The following DPP10 variants were observed in gnomAD, a reference collection of about 807,000 sequenced individuals.
DPP10 encodes the protein inactive dipeptidyl peptidase 10.
DPP10 carries 33 observed loss-of-function variants against 120.9 expected under a neutral mutation model. The ratio of observed to expected loss-of-function variants is 0.27; its 90% CI spans 0.21 to 0.37. DPP10 has a LOEUF of 0.37. Ranked by LOEUF, DPP10 falls within the 10% of genes least tolerant of loss-of-function variation. The probability of loss-of-function intolerance (pLI) is 1.00; values close to 1 mark genes in which losing one functional copy is unlikely to be tolerated. For missense variants in DPP10, 816 were observed against 942.8 expected, an observed-to-expected ratio of 0.87 and a Z score of 1.76; for synonymous variants, 337 against 326.1, an observed-to-expected ratio of 1.03 and a Z score of -0.36.
At position 115,415,134 on chromosome 2, in the gene DPP10, A is replaced by G. The variant is rs185759617; in HGVS notation, c.271+71222A>G. Among the ~76,000 whole-genome samples the G allele has an allele frequency of 2.6e-5, 4 of 152,252 alleles. No individual in the cohort carries two copies. The East Asian group carries it at 7.7e-4, about 29-fold the overall frequency. The stretch of plus-strand genomic sequence containing the variant: ...CTTACTAGGTGGTTTTCCTGGTAAG[A>G]TAAGTATTTGATTCTGCTCAAATTT... On this transcript the variant is annotated intron_variant, in intron 3 of 25. Transcript: ENST00000410059.
intron 19 of DPP10, among the ~76,000 whole-genome samples, chr2:115,804,923 C>T (rs1282366943): frequency 6.6e-6 from 1 of 152,202 alleles, no homozygotes; most frequent in Non-Finnish European, 1.5e-5. Context: ...AGATCTCAAG[C>T]TGCATGCTGG....
Position 115,617,381 on chromosome 2 carries a change from T to C in DPP10, c.442-72306T>C, listed in dbSNP as rs530495945. On this transcript the variant is annotated intron_variant, in intron 5 of 25. Coordinates refer to ENST00000410059, the MANE Select transcript of DPP10 (RefSeq NM_020868.6). ...CATATATATTTATGCATAACACGAA[T>C]GAAGAATGCATAACAAGAATGGAGC... 9.4e-5 allele frequency among the ~76,000 whole-genome samples: 14 copies of C among 149,378 alleles called. No homozygotes were observed. In the South Asian group the frequency reaches 2.9e-3, roughly 31 times the overall value.
chr2:115,021,695 A>G (rs1052434486), intron 1 of DPP10, among the ~76,000 whole-genome samples: 7 of 152,096 alleles, frequency 4.6e-5, no homozygotes, highest in Non-Finnish European at 1.0e-4. Context: ...TAAACCAGTG[A>G]AGGATGTAAC....
intron 2 of DPP10, among the ~76,000 whole-genome samples, chr2:115,336,558 A>T (rs1048727851): frequency 9.7e-5 from 14 of 144,578 alleles, no homozygotes; most frequent in African/African-American, 3.3e-4. Flanking sequence ...ATACATGTGT[A>T]CTCTCTCTCT....
intron 1 of DPP10, among the ~76,000 whole-genome samples, chr2:115,169,852 A>C (rs2053184378): frequency 6.6e-6 from 1 of 152,200 alleles, no homozygotes; most frequent in African/African-American, 2.4e-5. Context: ...ACTATGTATC[A>C]GATTATAAAA....
intron 10 of DPP10, chr2:115,749,853 T>C: frequency 3.7e-6 from 1 of 270,324 alleles, no homozygotes; most frequent in Non-Finnish European, 5.7e-6. Flanking sequence ...CTAACATACC[T>C]GTCTGCAGGT....
intron 1 of DPP10, among the ~76,000 whole-genome samples, chr2:114,568,179 A>G (rs1051766944): frequency 6.6e-6 from 1 of 151,722 alleles, no homozygotes; most frequent in Non-Finnish European, 1.5e-5. Flanking sequence ...TCTTTTATTG[A>G]TACACACTAT....
chr2:115,332,731 A>G (rs981313283), intron 2 of DPP10, among the ~76,000 whole-genome samples: 3 of 152,066 alleles, frequency 2.0e-5, no homozygotes, highest in Non-Finnish European at 2.9e-5. Context: ...GTAGTTGAGC[A>G]GTTTTGAGTG....
chr2:114,517,338 T>A (rs150183243), intron 1 of DPP10, among the ~76,000 whole-genome samples: 132 of 152,234 alleles, frequency 8.7e-4, no homozygotes, highest in African/African-American at 3.1e-3. Flanking sequence ...CTGGCCAACA[T>A]GGTGAAACCC....
intron 1 of DPP10, among the ~76,000 whole-genome samples, chr2:115,080,308 G>A (rs923856101): frequency 1.2e-4 from 19 of 152,148 alleles, no homozygotes; most frequent in Admixed American, 2.6e-4. Flanking sequence ...ATGATCCACC[G>A]TGCCTGGCCA....
intron 5 of DPP10, among the ~76,000 whole-genome samples, chr2:115,546,658 A>G (rs572743322): frequency 5.9e-5 from 9 of 152,130 alleles, no homozygotes; most frequent in African/African-American, 2.2e-4. Flanking sequence ...TGATAATTAA[A>G]CTTATCAAAG....
At chr2:114,467,577 A>G (rs1679510522) in intron 1 of DPP10, among the ~76,000 whole-genome samples, 1 of 152,062 alleles carries the variant, frequency 6.6e-6, no homozygotes. Context: ...CTTTCTCCCA[A>G]CCTGTGTACC....
intron 1 of DPP10, among the ~76,000 whole-genome samples, chr2:114,710,573 C>T (rs1268729104): frequency 1.3e-5 from 2 of 152,026 alleles, no homozygotes; most frequent in African/African-American, 4.8e-5. Flanking sequence ...GGCAAAACCC[C>T]ACCTCTACTA....
chr2:115,191,543 A>G (rs1397698956), intron 1 of DPP10, among the ~76,000 whole-genome samples: 2 of 152,250 alleles, frequency 1.3e-5, no homozygotes, highest in African/African-American at 4.8e-5. Context: ...TAGAGTGAGG[A>G]AAGAAGAAGG....
rs192377187 is a variant in DPP10, at chr2:115,839,622, C to T, written c.2183-1128C>T. ...CTGGGAGGCAGAGGTTGCAGTGAGC[C>T]GAGATCGTACCACTGCACTCCAGCC... On this transcript the variant is annotated intron_variant, in intron 24 of 25. Coordinates refer to ENST00000410059, the MANE Select transcript of DPP10 (RefSeq NM_020868.6). 2.5e-4 allele frequency among the ~76,000 whole-genome samples: 35 copies of T among 140,442 alleles called. 1 individual carries two copies. The East Asian group carries it at 5.3e-3, about 21-fold the overall frequency. The allele number at this position is 140,442 out of a possible 152,430, so 92.1% of individuals were successfully genotyped here.
chr2:115,800,205 A>G (rs940432320), intron 19 of DPP10, among the ~76,000 whole-genome samples: 2 of 151,512 alleles, frequency 1.3e-5, no homozygotes, highest in Non-Finnish European at 2.9e-5. Context: ...GCATTTTTTC[A>G]TGTGTCTTTT....
intron 1 of DPP10, among the ~76,000 whole-genome samples, chr2:114,929,846 T>C (rs1695937650): frequency 6.6e-6 from 1 of 152,194 alleles, no homozygotes; most frequent in Non-Finnish European, 1.5e-5. Flanking sequence ...CATGAAATCT[T>C]CACAATTTAT....
intron 1 of DPP10, among the ~76,000 whole-genome samples, chr2:114,653,957 G>A (rs930539188): frequency 6.6e-6 from 1 of 152,018 alleles, no homozygotes; most frequent in African/African-American, 2.4e-5. Context: ...AATCTCTTGG[G>A]GGTAATCCAT....
intron 2 of DPP10, among the ~76,000 whole-genome samples, chr2:115,328,842 G>A (rs993783635): frequency 1.3e-5 from 2 of 152,052 alleles, no homozygotes; most frequent in Non-Finnish European, 2.9e-5. Context: ...TGCAAAAAAT[G>A]ATGCATAAAT....
Sources: allele counts gnomAD v4.1 joint callset (sites outside exome capture counted in the v4.1 genomes callset), GRCh38; gene constraint gnomAD v4.1.1; transcripts MANE v1.5; gene names NCBI Gene and HGNC (gene_info 2026-07-23, HGNC 2026-07-21).